Variants in TUSC3 observed in about 807,000 individuals in gnomAD.
TUSC3 encodes the protein tumor suppressor candidate 3.
In TUSC3, 45 loss-of-function variants were observed where a neutral mutation model predicts 44.8. That is an observed-to-expected ratio of 1.00 (90% CI 0.79 to 1.29). TUSC3 has a LOEUF of 1.29. Among genes scored for constraint, TUSC3 ranks in the 50% most tolerant of loss-of-function variants. The pLI, the probability that TUSC3 is intolerant of heterozygous loss-of-function variation, is 0.00. For missense variants in TUSC3, 519 were observed against 437.9 expected, an observed-to-expected ratio of 1.19 and a Z score of -1.65; for synonymous variants, 212 against 152.9, an observed-to-expected ratio of 1.39 and a Z score of -2.85.
intron 1 of TUSC3, among the ~76,000 whole-genome samples, chr8:15,569,912 A>C (rs919095709): frequency 6.6e-6 from 1 of 152,130 alleles, no homozygotes; most frequent in South Asian, 2.1e-4. Flanking sequence ...TAATTTTTAA[A>C]TTCAGCATTT....
At chr8:15,781,817 A>C in the TUSC3 span, among the ~76,000 whole-genome samples, 1 of 152,142 alleles carries the variant, frequency 6.6e-6, no homozygotes, top group South Asian at 2.1e-4. Flanking sequence ...TCTGATACCA[A>C]AGCCAAACAA....
chr8:15,610,659 C>T (rs1040803316), intron 1 of TUSC3, among the ~76,000 whole-genome samples: 1 of 152,102 alleles, frequency 6.6e-6, no homozygotes, highest in African/African-American at 2.4e-5. Flanking sequence ...ATAAATAGAG[C>T]AAAGAGACTG....
At chr8:15,489,718 C>A (rs923746152) in intron 2 of TUSC3, among the ~76,000 whole-genome samples, 1 of 152,046 alleles carries the variant, frequency 6.6e-6, no homozygotes, top group African/African-American at 2.4e-5. Flanking sequence ...TGAATGTTGG[C>A]CAGTTGCGCA....
intron 1 of TUSC3, among the ~76,000 whole-genome samples, chr8:15,598,599 C>G (rs939911669): frequency 5.3e-5 from 8 of 151,924 alleles, no homozygotes; most frequent in Admixed American, 4.6e-4. Context: ...CATACTTCCT[C>G]CTTCTCCAGT....
intron 2 of TUSC3, among the ~76,000 whole-genome samples, chr8:15,514,935 A>G (rs533527252): frequency 3.9e-5 from 6 of 152,202 alleles, no homozygotes; most frequent in African/African-American, 1.2e-4. Context: ...AAGAAAATAC[A>G]CAAATACTGT....
At chr8:15,551,737 C>G (rs186676174) in intron 1 of TUSC3, among the ~76,000 whole-genome samples, 1 of 151,584 alleles carries the variant, frequency 6.6e-6, no homozygotes, top group African/African-American at 2.4e-5. Context: ...GTTCAAGGTA[C>G]GTGTTATAAG....
intron 2 of TUSC3, among the ~76,000 whole-genome samples, chr8:15,510,590 G>T (rs1369690535): frequency 6.6e-6 from 1 of 152,124 alleles, no homozygotes; most frequent in African/African-American, 2.4e-5. Flanking sequence ...TCAGTTTGTA[G>T]TTAAAAACCT....
At chr8:15,598,358 G>T (rs967278639) in intron 1 of TUSC3, among the ~76,000 whole-genome samples, 3 of 151,924 alleles carry the variant, frequency 2.0e-5, no homozygotes, top group African/African-American at 7.2e-5. Context: ...AAAGTACAGA[G>T]TTTTTTAATA....
intron 1 of TUSC3, among the ~76,000 whole-genome samples, chr8:15,447,944 T>G (rs1800128841): frequency 6.6e-6 from 1 of 151,270 alleles, no homozygotes; most frequent in Admixed American, 6.6e-5. Context: ...CATGTGGGTA[T>G]GTACATTACA....
intron 1 of TUSC3, among the ~76,000 whole-genome samples, chr8:15,582,536 G>A (rs1803410603): frequency 6.6e-6 from 1 of 152,164 alleles, no homozygotes; most frequent in African/African-American, 2.4e-5. Context: ...AAAAATTAAA[G>A]CTCAAAGAGA....
intron 2 of TUSC3, among the ~76,000 whole-genome samples, chr8:15,531,042 A>T (rs907756373): frequency 2.0e-5 from 3 of 152,144 alleles, no homozygotes; most frequent in African/African-American, 7.2e-5. Context: ...AACTCCAGTA[A>T]ACACACTGTG....
chr8:15,712,256 T>G (rs1033573588), intron 6 of TUSC3, among the ~76,000 whole-genome samples: 2 of 152,022 alleles, frequency 1.3e-5, no homozygotes, highest in African/African-American at 4.8e-5. Flanking sequence ...TTTCCTTGTT[T>G]TAATGCTTTT....
At position 15,523,650 on chromosome 8, in the gene TUSC3, ATATATATATATATATGTGTGTG is replaced by A. The variant is rs1476498630; in HGVS notation, n.189+40169_189+40190del. On this transcript the variant is annotated intron_variant and non_coding_transcript_variant, in intron 2 of 5. Coordinates refer to the TUSC3 transcript ENST00000503191. ...AAATCCTTTAAAAACATATATATAT[ATATATATATATATATGTGTGTG>A]TGTGTGTGTGTGTGTGTGTGTGTGT... 1.5e-3 allele frequency among the ~76,000 whole-genome samples: 68 copies of A among 44,096 alleles called. 3 individuals carry two copies. Among genetic ancestry groups the A allele is most frequent in the Middle Eastern group, 0.011 (1 of 92 alleles). 28.9% of individuals were successfully genotyped at this position (44,096 alleles called of 152,430 possible).
chr8:15,687,581 C>A (rs1808691512), intron 6 of TUSC3, among the ~76,000 whole-genome samples: 2 of 152,136 alleles, frequency 1.3e-5, no homozygotes. Context: ...ACCATTTAAA[C>A]TACATGCATT....
chr8:15,501,099 T>A (rs117249899), intron 2 of TUSC3, among the ~76,000 whole-genome samples: 7 of 152,248 alleles, frequency 4.6e-5, no homozygotes, highest in Admixed American at 1.3e-4. Flanking sequence ...CTGTAAACAT[T>A]TGGCCCCTAG....
At chr8:15,735,890 TGG>T (rs1491492127) in intron 7 of TUSC3, among the ~76,000 whole-genome samples, 447 of 35,610 alleles carry the variant, frequency 0.013, 5 homozygotes, top group African/African-American at 0.035. Flanking sequence ...TTTGTTTTTT[TGG>T]TTTTTTTTTG....
At chr8:15,462,326 G>C (rs983326970) in intron 1 of TUSC3, among the ~76,000 whole-genome samples, 1 of 151,974 alleles carries the variant, frequency 6.6e-6, no homozygotes, top group Non-Finnish European at 1.5e-5. Context: ...TAAAGAAACA[G>C]ATAACTATAA....
chr8:15,603,751 C>G (rs1267513465), intron 1 of TUSC3, among the ~76,000 whole-genome samples: 4 of 150,886 alleles, frequency 2.7e-5, no homozygotes, highest in African/African-American at 9.7e-5. Flanking sequence ...ACCTGCGATT[C>G]CTATGGTTTA....
intron 2 of TUSC3, among the ~76,000 whole-genome samples, chr8:15,515,963 C>T (rs977744165): frequency 3.9e-4 from 59 of 152,112 alleles, no homozygotes; most frequent in Admixed American, 2.8e-3. Flanking sequence ...GCCACCATGC[C>T]GGGCCCCAAA....
Sources: allele counts gnomAD v4.1 joint callset (sites outside exome capture counted in the v4.1 genomes callset), GRCh38; gene constraint gnomAD v4.1.1; transcripts MANE v1.5; gene names NCBI Gene and HGNC (gene_info 2026-07-23, HGNC 2026-07-21).